Variants in TECRL observed in about 807,000 individuals in gnomAD.
TECRL encodes trans-2,3-enoyl-CoA reductase-like.
TECRL carries 63 observed loss-of-function variants against 52.8 expected under a neutral mutation model. That is an observed-to-expected ratio of 1.19 (90% CI 0.97 to 1.47). The LOEUF is 1.47. Ranked by LOEUF, TECRL falls within the 40% of genes most tolerant of loss-of-function variation. The probability of loss-of-function intolerance (pLI) is 0.00; values close to 1 mark genes in which losing one functional copy is unlikely to be tolerated. For missense variants in TECRL, 482 were observed against 429.6 expected, an observed-to-expected ratio of 1.12 and a Z score of -1.08; for synonymous variants, 164 against 141.9, an observed-to-expected ratio of 1.16 and a Z score of -1.10.
intron 1 of TECRL, among the ~76,000 whole-genome samples, chr4:64,397,958 C>T (rs1724074528): frequency 6.6e-6 from 1 of 151,528 alleles, no homozygotes; most frequent in African/African-American, 2.4e-5. Flanking sequence ...AAAATGTGCC[C>T]AATGACTTAT....
chr4:64,374,845 T>G (rs1015342377), intron 2 of TECRL, among the ~76,000 whole-genome samples: 2 of 152,160 alleles, frequency 1.3e-5, no homozygotes, highest in Non-Finnish European at 2.9e-5. Context: ...AATTCTTTGC[T>G]ATTGTGAATA....
chr4:64,360,617 C>A (rs1046226982), intron 2 of TECRL, among the ~76,000 whole-genome samples: 10 of 152,156 alleles, frequency 6.6e-5, no homozygotes, highest in Middle Eastern at 3.4e-3. Flanking sequence ...ATAAACAGAT[C>A]TTCAGAAAGA....
chr4:64,361,925 C>T (rs989696176), intron 2 of TECRL, among the ~76,000 whole-genome samples: 2 of 152,110 alleles, frequency 1.3e-5, no homozygotes, highest in African/African-American at 2.4e-5. Context: ...CATCAAGATA[C>T]AGCAGAAGGT....
At position 64,345,349 on chromosome 4, in the gene TECRL, C is replaced by A. The variant is rs183478449; in HGVS notation, c.287-16793G>T. ...GGATTAAGAAAATGTGGCACATATA[C>A]ACCATGGAATAATATGCAGCCATAA... On this transcript the variant is annotated intron_variant, in intron 2 of 11. Coordinates refer to ENST00000381210, the MANE Select transcript of TECRL (RefSeq NM_001010874.5). 8.9e-3 allele frequency among the ~76,000 whole-genome samples: 1,351 copies of A among 152,150 alleles called. 18 individuals carry two copies. Among genetic ancestry groups the A allele is most frequent in the African/African-American group, 0.031 (1,284 of 41,502 alleles).
chr4:64,374,077 A>ATATATATATATATATATATATT (rs1722195583), intron 2 of TECRL, among the ~76,000 whole-genome samples: 1 of 102,858 alleles, frequency 9.7e-6, no homozygotes, highest in African/African-American at 3.6e-5. Context: ...ATATATATAT[A>ATATATATATATATATATATATT]TATATTTATC....
At chr4:64,285,547 G>A (rs2036796478) in intron 9 of TECRL, among the ~76,000 whole-genome samples, 3 of 152,030 alleles carry the variant, frequency 2.0e-5, no homozygotes, top group Non-Finnish European at 4.4e-5. Context: ...ATGTTAGTGA[G>A]GGAATAAAAA....
chr4:64,370,355 A>C (rs1328587280), intron 2 of TECRL, among the ~76,000 whole-genome samples: 1 of 151,904 alleles, frequency 6.6e-6, no homozygotes, highest in Non-Finnish European at 1.5e-5. Flanking sequence ...GAAGAATGCC[A>C]GTGAAAGCTA....
At chr4:64,327,373 G>C (rs1329868910) in intron 3 of TECRL, among the ~76,000 whole-genome samples, 1 of 152,026 alleles carries the variant, frequency 6.6e-6, no homozygotes, top group Non-Finnish European at 1.5e-5. Flanking sequence ...TCTCTTAATA[G>C]TGTCCTTCAA....
At chr4:64,366,041 G>A (rs949128813) in intron 2 of TECRL, among the ~76,000 whole-genome samples, 32 of 152,056 alleles carry the variant, frequency 2.1e-4, no homozygotes, top group African/African-American at 7.2e-4. Flanking sequence ...CAGACACATA[G>A]ATCAATGGAA....
At chr4:64,368,548 C>A (rs1239671136) in intron 2 of TECRL, among the ~76,000 whole-genome samples, 3 of 152,134 alleles carry the variant, frequency 2.0e-5, no homozygotes, top group African/African-American at 7.2e-5. Flanking sequence ...CCCGCCTTGG[C>A]CTCCGAAAGT....
chr4:64,337,401 A>G (rs1320331101), intron 2 of TECRL, among the ~76,000 whole-genome samples: 2 of 152,176 alleles, frequency 1.3e-5, no homozygotes, highest in African/African-American at 2.4e-5. Flanking sequence ...ACTCCTATTC[A>G]ACATAGTGTT....
At chr4:64,304,976 C>T in intron 7 of TECRL, 190 bp downstream of exon 7, 1 of 394,508 alleles carries the variant, frequency 2.5e-6, no homozygotes, top group Non-Finnish European at 4.6e-6. Flanking sequence ...CGTGTAGAAA[C>T]AAAATAAATA....
intron 2 of TECRL, among the ~76,000 whole-genome samples, chr4:64,373,304 C>G (rs1722113031): frequency 1.3e-5 from 2 of 151,536 alleles, no homozygotes; most frequent in Non-Finnish European, 3.0e-5. Flanking sequence ...TTAGTACTTA[C>G]AAAGGAAAAT....
chr4:64,277,048 C>T (rs1364824274), downstream of TECRL: 4 of 1,494,714 alleles, frequency 2.7e-6, no homozygotes, highest in East Asian at 9.9e-5. Context: ...GGCAGTGAGA[C>T]CACCTGGAAA....
Position 64,305,157 on chromosome 4 carries a change from C to T in TECRL, c.730+9G>A. 6.3e-7 allele frequency: 1 copy of T among 1,595,478 alleles called. No individual in the cohort carries two copies. The highest frequency in any genetic ancestry group is 8.6e-7 in the Non-Finnish European group (1 of 1,168,616). On this transcript the variant is annotated intron_variant, in intron 7 of 11. Coordinates refer to ENST00000381210, the MANE Select transcript of TECRL (RefSeq NM_001010874.5). ...AGTATACGGTTAGTTAAGAAGAAAC[C>T]CTACATACATGGTGGTGTATATAGT...
At chr4:64,343,995 G>T (rs1217763458) in intron 2 of TECRL, among the ~76,000 whole-genome samples, 1 of 151,570 alleles carries the variant, frequency 6.6e-6, no homozygotes, top group East Asian at 1.9e-4. Context: ...AGAGGAAGGG[G>T]TCTATCCCCA....
chr4:64,369,634 A>C (rs1004574862), intron 2 of TECRL, among the ~76,000 whole-genome samples: 1 of 152,000 alleles, frequency 6.6e-6, no homozygotes. Context: ...CTGAGATTAA[A>C]TTCCATCTTT....
At chr4:64,302,642 C>A (rs756604584) in intron 7 of TECRL, among the ~76,000 whole-genome samples, 2 of 151,100 alleles carry the variant, frequency 1.3e-5, no homozygotes, top group Non-Finnish European at 3.0e-5. Flanking sequence ...TGTAAGCATG[C>A]ATAATTTAAT....
intron 7 of TECRL, 27 bp downstream of exon 7, chr4:64,305,139 G>T (rs778372542): frequency 1.3e-6 from 2 of 1,556,926 alleles, no homozygotes; most frequent in South Asian, 1.2e-5. Flanking sequence ...TTTAGTATAC[G>T]GTTAGTTAAG....
Sources: gnomAD v4.1 joint callset for allele counts (sites outside exome capture counted in the v4.1 genomes callset) on GRCh38, gnomAD v4.1.1 for gene constraint, MANE v1.5 for transcripts, NCBI Gene and HGNC (gene_info 2026-07-23, HGNC 2026-07-21) for gene names.